The following MBTPS1 variants were observed in gnomAD, a reference collection of about 807,000 sequenced individuals.
The protein encoded by MBTPS1 is membrane bound transcription factor peptidase, site 1.
In MBTPS1, 94 loss-of-function variants were observed where a neutral mutation model predicts 127.8. That is an observed-to-expected ratio of 0.74 (90% confidence interval 0.62 to 0.87). The LOEUF is 0.87. Ranked by LOEUF, MBTPS1 falls within the 40% of genes least tolerant of loss-of-function variation. The probability of loss-of-function intolerance (pLI) is 0.00; values close to 1 mark genes in which losing one functional copy is unlikely to be tolerated. For missense variants in MBTPS1, 1,636 were observed against 1,353.2 expected (o/e 1.21, Z -3.28); for synonymous variants, 632 against 509.4 (o/e 1.24, Z -3.24).
rs759757839 is a variant in MBTPS1, at chr16:84,066,480, G to C, written c.2353+9C>G. 18 of 1,613,658 alleles carry C rather than the reference G, an allele frequency of 1.1e-5. No homozygotes were observed. Among genetic ancestry groups the C allele is most frequent in the Non-Finnish European group, 1.5e-5 (18 of 1,179,750 alleles). ...CCTAAGACCACGCCCTCAGGAAACA[G>C]AGCCTTACTGTCATGGTTGGCCAGG... On this transcript the variant is annotated intron_variant, in intron 17 of 22. Transcript: ENST00000343411.
intron 9 of MBTPS1, among the ~76,000 whole-genome samples, chr16:84,086,764 G>A (rs2086033929): frequency 2.0e-5 from 3 of 152,164 alleles, no homozygotes; most frequent in Admixed American, 2.0e-4. Flanking sequence ...GGGCAAAGGT[G>A]CCCAACTGCT....
In MBTPS1 at chr16:84,054,073, A is replaced by G. The variant is rs971831508; in HGVS notation, c.*376T>C. 7 of 167,114 alleles carry G rather than the reference A, an allele frequency of 4.2e-5. No individual in the cohort carries two copies. Among genetic ancestry groups the G allele is most frequent in the African/African-American group, 1.7e-4 (7 of 42,200 alleles). 10.4% of individuals were successfully genotyped at this position (167,114 alleles called of 1,614,324 possible). On this transcript the variant is annotated 3_prime_UTR_variant, in exon 23 of 23. Transcript: ENST00000343411. ...ACTTTTCCCAACAATAAATATAGAA[A>G]ATAGCCTTTAACAAGCGTCTTTTAG...
At chr16:84,060,557 C>G (rs1016167050) in intron 20 of MBTPS1, 125 bp downstream of exon 20, 22 of 1,137,716 alleles carry the variant, frequency 1.9e-5, no homozygotes, top group Middle Eastern at 2.9e-4. Context: ...GCAGCCATTA[C>G]GAAAACCACT....
rs988103286 is a variant in MBTPS1 at position 84,054,225 on chromosome 16, C to T, written c.*224G>A. On this transcript the variant is annotated 3_prime_UTR_variant, in exon 23 of 23. Coordinates refer to ENST00000343411, the MANE Select transcript of MBTPS1 (RefSeq NM_003791.4). ...AGCTGCCGGCGGGAAGTCTCACTGG[C>T]GGCAGAGCCACTAAGTCCCTCCTGA... 1.6e-5 allele frequency: 6 copies of T among 376,654 alleles called. No individual in the cohort carries two copies. The highest frequency in any genetic ancestry group is 1.0e-4 in the South Asian group (1 of 9,540). 23.3% of individuals were successfully genotyped at this position (376,654 alleles called of 1,614,324 possible).
At chr16:84,088,262 G>C (rs2086058383) in intron 8 of MBTPS1, among the ~76,000 whole-genome samples, 1 of 151,996 alleles carries the variant, frequency 6.6e-6, no homozygotes, top group African/African-American at 2.4e-5. Flanking sequence ...GATTCCAAGT[G>C]GCTTAAGAGA....
rs766236661 is a variant in MBTPS1, at chr16:84,067,668, T to C, written c.2227A>G (p.Arg743Gly). Reference sequence around the variant, plus strand: ...AATACCAATGCGTATCAACAGTACCTTGTGTTTTCATCATAAAACTTCACT... The same window carrying C: ...AATACCAATGCGTATCAACAGTACCCTGTGTTTTCATCATAAAACTTCACT... Reference protein sequence around the residue: ...RKVKFYDENTRQWWMPDTGGA... With the variant: ...RKVKFYDENTGQWWMPDTGGA... The change falls in exon 16 of 23, where the codon AGG (arginine) becomes GGG (glycine). Residue 743 changes from arginine to glycine, a missense_variant and splice_region_variant. Physicochemically the swap from Arg to Gly is moderately radical, Grantham distance 125. Coordinates refer to ENST00000343411, the MANE Select transcript of MBTPS1 (RefSeq NM_003791.4). 1 of 1,611,088 alleles carries C rather than the reference T, an allele frequency of 6.2e-7. No individual in the cohort carries two copies. The highest frequency in any genetic ancestry group is 8.5e-7 in the Non-Finnish European group (1 of 1,177,462).
rs773860995 is a variant in MBTPS1, at chr16:84,074,749, A to G, written c.1449-8T>C. ...ATGTAGCTGGGGCTCAAACTGAAATAAAGAATACAGTGTTAGAGTAGATCA... is the reference window on the plus strand; with the variant it reads ...ATGTAGCTGGGGCTCAAACTGAAATGAAGAATACAGTGTTAGAGTAGATCA... On this transcript the variant is annotated splice_polypyrimidine_tract_variant and splice_region_variant and intron_variant, in intron 11 of 22. Coordinates refer to ENST00000343411, the MANE Select transcript of MBTPS1 (RefSeq NM_003791.4). 3 of 1,612,432 alleles carry G rather than the reference A, an allele frequency of 1.9e-6. No individual in the cohort carries two copies. The highest frequency in any genetic ancestry group is 1.7e-6 in the Non-Finnish European group (2 of 1,179,060).
At chr16:84,108,119 C>T (rs1182054630) in intron 1 of MBTPS1, among the ~76,000 whole-genome samples, 1 of 152,004 alleles carries the variant, frequency 6.6e-6, no homozygotes, top group Non-Finnish European at 1.5e-5. Flanking sequence ...GACGAATGGT[C>T]CCTCCTGGTT....
chr16:84,068,749 T>G (rs1031352690), intron 14 of MBTPS1, among the ~76,000 whole-genome samples: 8 of 152,174 alleles, frequency 5.3e-5, no homozygotes, highest in African/African-American at 1.9e-4. Flanking sequence ...ACTGTAGCAG[T>G]CGCGTTCAAG....
chr16:84,073,278 C>A (rs986238002), intron 12 of MBTPS1, among the ~76,000 whole-genome samples: 1 of 152,188 alleles, frequency 6.6e-6, no homozygotes, highest in East Asian at 1.9e-4. Flanking sequence ...GGATTACAAG[C>A]GTGTGTCACC....
chr16:84,074,773 C>G (rs1204083726), intron 11 of MBTPS1, 32 bp from the exon 12 acceptor site: 1 of 1,590,456 alleles, frequency 6.3e-7, no homozygotes, highest in Non-Finnish European at 8.6e-7. Context: ...TAGAGTAGAT[C>G]ATATGAGAAA....
Position 84,054,557 on chromosome 16 carries a change from AAAG to A in MBTPS1, c.3048_3050del (p.Phe1017del), listed in dbSNP as rs772250052. 6 of 1,613,982 alleles carry A rather than the reference AAAG, an allele frequency of 3.7e-6. No homozygotes were observed. Among genetic ancestry groups the A allele is most frequent in the Non-Finnish European group, 5.1e-6 (6 of 1,179,928 alleles). ...TCTTGGCCTTGTTGATTTGTACCAC[AAAG>A]AAGGCCAGGACCACCATGGCTCCCA... On this transcript the variant is annotated inframe_deletion, in exon 23 of 23. Coordinates refer to ENST00000343411, the MANE Select transcript of MBTPS1 (RefSeq NM_003791.4).
rs1253465804 is a variant in MBTPS1, at chr16:84,066,580, G to A, written c.2262C>T (p.Asn754=). 1.2e-6 allele frequency: 2 copies of A among 1,614,010 alleles called. No homozygotes were observed. The highest frequency in any genetic ancestry group is 1.7e-6 in the Non-Finnish European group (2 of 1,179,968). ...ACAGCAGCTCATTCAGAGCTGGGATGTTAGCTCCTCCGGTATCCGGCATCC... is the reference window on the plus strand; with the variant it reads ...ACAGCAGCTCATTCAGAGCTGGGATATTAGCTCCTCCGGTATCCGGCATCC... ...QWWMPDTGGA[N]IPALNELLSV... Residue 754 remains asparagine (N), a synonymous_variant, in exon 17 of 23, where the codon AAC becomes AAT. Transcript: ENST00000343411.
intron 3 of MBTPS1, among the ~76,000 whole-genome samples, chr16:84,098,348 C>T (rs530547852): frequency 3.3e-5 from 5 of 152,312 alleles, no homozygotes; most frequent in South Asian, 4.2e-4. Context: ...CAGTGACTCA[C>T]GCCTGTAATC....
At chr16:84,095,533 G>C in intron 4 of MBTPS1, 69 bp downstream of exon 4, 2 of 1,543,998 alleles carry the variant, frequency 1.3e-6, no homozygotes, top group South Asian at 1.2e-5. Flanking sequence ...TGGACTTTCC[G>C]CGCCTTCCCT....
intron 19 of MBTPS1, chr16:84,061,582 C>T (rs1222696495): frequency 2.6e-5 from 4 of 152,362 alleles, no homozygotes; most frequent in South Asian, 4.1e-4. Context: ...TGTACTGACA[C>T]CCCAGGGGGT....
intron 1 of MBTPS1, among the ~76,000 whole-genome samples, chr16:84,111,411 G>A (rs914008213): frequency 1.4e-4 from 21 of 152,158 alleles, no homozygotes; most frequent in African/African-American, 5.1e-4. Context: ...AATGGTGGTG[G>A]GTGCCTGTAA....
chr16:84,088,652 G>T (rs1455152604), intron 8 of MBTPS1, among the ~76,000 whole-genome samples: 1 of 152,212 alleles, frequency 6.6e-6, no homozygotes, highest in Non-Finnish European at 1.5e-5. Flanking sequence ...CTGCAGGCTT[G>T]CTGGCACCAC....
rs1042410566 is a variant in MBTPS1, at chr16:84,099,751, T to G, written c.164-441A>C. Reference sequence around the variant, plus strand: ...GAGATTGCACCACTGCACTCCTGCCTGGTGACAGAGCAAGCCTCCGTCTCA... The same window carrying G: ...GAGATTGCACCACTGCACTCCTGCCGGGTGACAGAGCAAGCCTCCGTCTCA... On this transcript the variant is annotated intron_variant, in intron 2 of 22. Coordinates refer to ENST00000343411, the MANE Select transcript of MBTPS1 (RefSeq NM_003791.4). Among the ~76,000 whole-genome samples, 131 of 146,210 alleles carry G rather than the reference T, an allele frequency of 9.0e-4. 2 individuals carry two copies. The highest frequency in any genetic ancestry group is 4.2e-4 in the Non-Finnish European group (28 of 67,198).
Sources: gnomAD v4.1 joint callset for allele counts (sites outside exome capture counted in the v4.1 genomes callset) on GRCh38, gnomAD v4.1.1 for gene constraint, MANE v1.5 for transcripts, NCBI Gene and HGNC (gene_info 2026-07-23, HGNC 2026-07-21) for gene names.